ATG7: variants seen among roughly 807,000 people sequenced by gnomAD.
ATG7 encodes the protein ubiquitin-like modifier-activating enzyme ATG7.
A neutral mutation model predicts 82.4 loss-of-function variants in ATG7; 70 were observed. The ratio of observed to expected loss-of-function variants is 0.85; its 90% CI spans 0.70 to 1.04. The LOEUF is 1.04. Among genes scored for constraint, ATG7 ranks in the 50% least tolerant of loss-of-function variants. ATG7 has a pLI of 0.00. For synonymous variants in ATG7, 287 were observed against 313.0 expected (o/e 0.92, Z 0.88); for missense variants, 792 against 864.3 (o/e 0.92, Z 1.05).
chr3:11,551,938 G>A (rs902262652), intron 20 of ATG7, among the ~76,000 whole-genome samples: 2 of 149,110 alleles, frequency 1.3e-5, no homozygotes, highest in African/African-American at 5.0e-5. Context: ...TAGTAGAGAC[G>A]GGGTTTCACC....
chr3:11,450,667 A>G (rs1057109724), intron 20 of ATG7, among the ~76,000 whole-genome samples: 2 of 152,214 alleles, frequency 1.3e-5, no homozygotes, highest in African/African-American at 4.8e-5. Flanking sequence ...CCATCTTGCC[A>G]ATTTCCAGAG....
chr3:11,532,810 T>A (rs1028896317), intron 20 of ATG7, among the ~76,000 whole-genome samples: 1 of 152,220 alleles, frequency 6.6e-6, no homozygotes, highest in African/African-American at 2.4e-5. Context: ...GTCTAGATAC[T>A]GCATGAGATG....
At chr3:11,316,630 G>A (rs1250443309) in intron 9 of ATG7, among the ~76,000 whole-genome samples, 1 of 152,170 alleles carries the variant, frequency 6.6e-6, no homozygotes, top group Non-Finnish European at 1.5e-5. Context: ...CTCCAAGAGG[G>A]CAGGGCCCAA....
chr3:11,296,796 C>A (rs1469171465), intron 3 of ATG7, among the ~76,000 whole-genome samples: 1 of 152,192 alleles, frequency 6.6e-6, no homozygotes, highest in Non-Finnish European at 1.5e-5. Context: ...CCACCCCTTA[C>A]CCATCCTTTT....
chr3:11,569,095 A>T, the ATG7 span, among the ~76,000 whole-genome samples: 1 of 152,228 alleles, frequency 6.6e-6, no homozygotes, highest in African/African-American at 2.4e-5. Flanking sequence ...CCAGATTCCA[A>T]GCAGTGACAT....
rs1316880300 is a variant in ATG7, at chr3:11,321,761, G to T, written c.678+6268G>T. On this transcript the variant is annotated intron_variant, in intron 9 of 20. Coordinates refer to ENST00000693202, the MANE Select transcript of ATG7 (RefSeq NM_001349232.2). ...AGTAACAACACCCCCTTCCTTGTAG[G>T]TGGCTGTGAGAACTAAGAATCATTA... Among the ~76,000 whole-genome samples, 3 of 152,290 alleles carry T rather than the reference G, an allele frequency of 2.0e-5. No homozygotes were observed. In the East Asian group the frequency reaches 5.8e-4, roughly 29 times the overall value.
chr3:11,349,285 C>T (rs1186427504), intron 14 of ATG7, among the ~76,000 whole-genome samples: 8 of 152,162 alleles, frequency 5.3e-5, no homozygotes, highest in Non-Finnish European at 1.5e-5. Flanking sequence ...TTTCACCTCT[C>T]ACTAGCACTT....
At chr3:11,540,596 G>GC (rs2070732282) in intron 20 of ATG7, among the ~76,000 whole-genome samples, 1 of 151,374 alleles carries the variant, frequency 6.6e-6, no homozygotes. Context: ...AGCAGTGATC[G>GC]CACCACTGTC....
intron 20 of ATG7, among the ~76,000 whole-genome samples, chr3:11,527,962 A>G (rs998460411): frequency 4.6e-5 from 7 of 152,152 alleles, no homozygotes; most frequent in African/African-American, 1.7e-4. Flanking sequence ...CTGATTTGTG[A>G]TGCATCCTGC....
chr3:11,575,027 G>T, the ATG7 span, among the ~76,000 whole-genome samples: 4 of 152,100 alleles, frequency 2.6e-5, no homozygotes, highest in Non-Finnish European at 5.9e-5. Context: ...CATTACTCCT[G>T]CATCTCCTCC....
intron 18 of ATG7, among the ~76,000 whole-genome samples, chr3:11,367,364 A>C (rs535842309): frequency 6.6e-6 from 1 of 152,150 alleles, no homozygotes; most frequent in Admixed American, 6.6e-5. Context: ...AGACCAGTGA[A>C]GTTTACTGGG....
intron 19 of ATG7, among the ~76,000 whole-genome samples, chr3:11,382,651 G>A (rs1331548285): frequency 6.6e-6 from 1 of 152,238 alleles, no homozygotes; most frequent in African/African-American, 2.4e-5. Flanking sequence ...GCTAACTAGA[G>A]TATTGTGGTG....
At chr3:11,293,693 C>T (rs1291822927) in intron 3 of ATG7, among the ~76,000 whole-genome samples, 1 of 150,450 alleles carries the variant, frequency 6.6e-6, no homozygotes, top group East Asian at 2.0e-4. Context: ...CTAAAAAATA[C>T]AAAACATTAG....
At chr3:11,505,778 T>C (rs1306524532) in intron 20 of ATG7, among the ~76,000 whole-genome samples, 1 of 152,202 alleles carries the variant, frequency 6.6e-6, no homozygotes, top group Admixed American at 6.5e-5. Flanking sequence ...TGGATGAAAG[T>C]ATCAGTAGGC....
At chr3:11,293,945 G>C (rs1447440676) in intron 3 of ATG7, among the ~76,000 whole-genome samples, 1 of 151,272 alleles carries the variant, frequency 6.6e-6, no homozygotes, top group African/African-American at 2.4e-5. Flanking sequence ...TTGAACCTGG[G>C]AGGCCGAGGT....
At chr3:11,365,300 T>C (rs144827635) in intron 18 of ATG7, among the ~76,000 whole-genome samples, 1 of 152,272 alleles carries the variant, frequency 6.6e-6, no homozygotes, top group Non-Finnish European at 1.5e-5. Context: ...TAGGCAGGCA[T>C]GAGAAAAACA....
intron 20 of ATG7, among the ~76,000 whole-genome samples, chr3:11,485,179 A>G (rs6442256): frequency 0.75 from 114,488 of 152,056 alleles, 43,659 homozygotes; most frequent in East Asian, 0.97. Context: ...AAGTGTTCCT[A>G]TTTCTCCACA....
At chr3:11,391,605 G>A (rs1204461541) in intron 19 of ATG7, among the ~76,000 whole-genome samples, 3 of 152,160 alleles carry the variant, frequency 2.0e-5, no homozygotes, top group South Asian at 4.1e-4. Context: ...ATTGCTTCTT[G>A]GAAGCCTTTT....
intron 7 of ATG7, 144 bp from the exon 8 acceptor site, chr3:11,313,160 G>A: frequency 2.0e-6 from 1 of 497,154 alleles, no homozygotes; most frequent in Non-Finnish European, 3.5e-6. Flanking sequence ...GTTCTGTTGG[G>A]GATGAGGATA....
Sources: gnomAD v4.1 joint callset for allele counts (sites outside exome capture counted in the v4.1 genomes callset) on GRCh38, gnomAD v4.1.1 for gene constraint, MANE v1.5 for transcripts, NCBI Gene and HGNC (gene_info 2026-07-23, HGNC 2026-07-21) for gene names.